PCSK6: variants seen among roughly 807,000 people sequenced by gnomAD.
The protein encoded by PCSK6 is proprotein convertase subtilisin/kexin type 6.
A neutral mutation model predicts 123.3 loss-of-function variants in PCSK6; 85 were observed. The ratio of observed to expected loss-of-function variants is 0.69; its 90% CI spans 0.58 to 0.83. The LOEUF is 0.83. Among genes scored for constraint, PCSK6 ranks in the 40% least tolerant of loss-of-function variants. The pLI is 0.00. For synonymous variants in PCSK6, 508 were observed against 516.0 expected, an observed-to-expected ratio of 0.98 and a Z score of 0.21; for missense variants, 1,191 against 1,282.3, an observed-to-expected ratio of 0.93 and a Z score of 1.09.
intron 1 of PCSK6, among the ~76,000 whole-genome samples, chr15:101,478,238 T>C (rs1008216023): frequency 5.3e-5 from 8 of 152,104 alleles, no homozygotes; most frequent in Non-Finnish European, 8.8e-5. Context: ...ATCTGTGTAA[T>C]GGGATTAATA....
intron 13 of PCSK6, chr15:101,346,758 A>G: frequency 8.1e-7 from 1 of 1,229,516 alleles, no homozygotes; most frequent in Non-Finnish European, 1.0e-6. Flanking sequence ...TTAGTATTTT[A>G]TTTGCAAAAA....
chr15:101,391,016 C>T (rs2042219141), intron 8 of PCSK6, among the ~76,000 whole-genome samples: 1 of 152,150 alleles, frequency 6.6e-6, no homozygotes, highest in Non-Finnish European at 1.5e-5. Flanking sequence ...ACCTTCCTTG[C>T]ACACGTTTGA....
At chr15:101,475,377 A>G (rs1055636119) in intron 1 of PCSK6, among the ~76,000 whole-genome samples, 7 of 152,258 alleles carry the variant, frequency 4.6e-5, no homozygotes, top group African/African-American at 1.7e-4. Flanking sequence ...AACACAGAGA[A>G]AGCAATCATT....
chr15:101,365,693 G>T (rs2041366624), intron 13 of PCSK6: 1 of 153,164 alleles, frequency 6.5e-6, no homozygotes, highest in Non-Finnish European at 1.5e-5. Flanking sequence ...AACAAAATGT[G>T]ATCAATCCGT....
At chr15:101,396,727 C>T (rs2042423095) in intron 7 of PCSK6, among the ~76,000 whole-genome samples, 1 of 152,084 alleles carries the variant, frequency 6.6e-6, no homozygotes, top group African/African-American at 2.4e-5. Flanking sequence ...AGGTGCTCAG[C>T]AGCCTCATTG....
At chr15:101,486,413 G>A (rs1007889365) in intron 1 of PCSK6, among the ~76,000 whole-genome samples, 1 of 152,250 alleles carries the variant, frequency 6.6e-6, no homozygotes, top group Admixed American at 6.5e-5. Context: ...GCAGGTGGCT[G>A]TTGCTGATCA....
chr15:101,483,755 T>C (rs2057949296), intron 1 of PCSK6, among the ~76,000 whole-genome samples: 1 of 152,178 alleles, frequency 6.6e-6, no homozygotes, highest in Non-Finnish European at 1.5e-5. Context: ...AAGGGAAGGG[T>C]TCCTGGGCTC....
intron 2 of PCSK6, among the ~76,000 whole-genome samples, chr15:101,440,142 T>C (rs2056716009): frequency 6.6e-6 from 1 of 152,152 alleles, no homozygotes; most frequent in Non-Finnish European, 1.5e-5. Context: ...AAGAACAAGT[T>C]AAAAACAAAT....
intron 6 of PCSK6, among the ~76,000 whole-genome samples, chr15:101,409,025 G>A (rs76600790): frequency 0.02 from 3,045 of 152,274 alleles, 56 homozygotes; most frequent in African/African-American, 0.049. Context: ...CTATATCCGG[G>A]GGCCGGAGCA....
At chr15:101,380,729 C>A (rs1169587692) in intron 11 of PCSK6, among the ~76,000 whole-genome samples, 2 of 152,190 alleles carry the variant, frequency 1.3e-5, no homozygotes, top group Non-Finnish European at 2.9e-5. Context: ...TGCGAGCCCT[C>A]CACCAGACAC....
At chr15:101,351,135 C>T (rs1315154300) in intron 13 of PCSK6, among the ~76,000 whole-genome samples, 4 of 152,170 alleles carry the variant, frequency 2.6e-5, no homozygotes, top group African/African-American at 4.8e-5. Flanking sequence ...TTTACCAACC[C>T]GTCTTCAGTG....
At chr15:101,443,800 A>G in intron 1 of PCSK6, 140 bp from the exon 2 acceptor site, 3 of 667,098 alleles carry the variant, frequency 4.5e-6, no homozygotes, top group Middle Eastern at 2.5e-4. Context: ...CCTGCTCCTC[A>G]TATCTCTGGC....
intron 1 of PCSK6, among the ~76,000 whole-genome samples, chr15:101,453,922 G>A (rs2057104950): frequency 6.6e-6 from 1 of 152,190 alleles, no homozygotes; most frequent in Non-Finnish European, 1.5e-5. Flanking sequence ...ACCAAAGGCT[G>A]TGCACAGCAC....
intron 6 of PCSK6, among the ~76,000 whole-genome samples, chr15:101,401,507 G>T (rs1472209891): frequency 3.3e-5 from 5 of 152,224 alleles, no homozygotes; most frequent in Non-Finnish European, 7.3e-5. Flanking sequence ...GAGGTCCACA[G>T]AGTGGAGCTG....
intron 13 of PCSK6, among the ~76,000 whole-genome samples, chr15:101,353,184 G>T (rs370690116): frequency 3.9e-5 from 6 of 152,116 alleles, no homozygotes; most frequent in Admixed American, 3.9e-4. Context: ...GCGACTAGAC[G>T]GTCCCGTCTG....
intron 13 of PCSK6, among the ~76,000 whole-genome samples, chr15:101,344,637 C>A (rs2141394662): frequency 6.6e-6 from 1 of 152,262 alleles, no homozygotes; most frequent in South Asian, 2.1e-4. Context: ...ATACCTGGCA[C>A]TACAGAAAAT....
At chr15:101,314,567 C>T (rs1043833587) in intron 19 of PCSK6, among the ~76,000 whole-genome samples, 15 of 152,198 alleles carry the variant, frequency 9.9e-5, no homozygotes, top group African/African-American at 2.4e-5. Flanking sequence ...AATCCCTTTG[C>T]AGAGGTTCCG....
chr15:101,407,001 C>T (rs189762812), intron 6 of PCSK6, among the ~76,000 whole-genome samples: 10 of 152,242 alleles, frequency 6.6e-5, no homozygotes, highest in Non-Finnish European at 1.0e-4. Flanking sequence ...ATGTGTCTGG[C>T]GTCCCATCTC....
chr15:101,472,202 G>A (rs562863684), intron 1 of PCSK6, among the ~76,000 whole-genome samples: 47 of 152,292 alleles, frequency 3.1e-4, no homozygotes, highest in African/African-American at 1.1e-3. Context: ...AAAGCCCCAC[G>A]GCCAGGTGGC....
Sources: allele counts gnomAD v4.1 joint callset (sites outside exome capture counted in the v4.1 genomes callset), GRCh38; gene constraint gnomAD v4.1.1; transcripts MANE v1.5; gene names NCBI Gene and HGNC (gene_info 2026-07-23, HGNC 2026-07-21).